Variants in EZH1 observed in about 807,000 individuals in gnomAD.
The protein encoded by EZH1 is enhancer of zeste 1 polycomb repressive complex 2 subunit, also known as histone-lysine N-methyltransferase EZH1.
EZH1 carries 33 observed loss-of-function variants against 100.5 expected under a neutral mutation model. That is an observed-to-expected ratio of 0.33 (90% CI 0.25 to 0.44). The LOEUF is 0.44. EZH1 is among the 20% of genes least tolerant of loss of function. The pLI, the probability that EZH1 is intolerant of heterozygous loss-of-function variation, is 1.00. For synonymous variants in EZH1, 272 were observed against 313.8 expected (o/e 0.87, Z 1.41); for missense variants, 475 against 928.4 (o/e 0.51, Z 6.35).
rs1380880034 is a variant in EZH1 at position 42,720,341 on chromosome 17, T to C, written c.596A>G (p.Asp199Gly). 1 of 1,614,056 alleles carries C rather than the reference T, an allele frequency of 6.2e-7. No homozygotes were observed. Among genetic ancestry groups the C allele is most frequent in the African/African-American group, 1.3e-5 (1 of 74,938 alleles). Residue 199 changes from aspartate to glycine, a missense_variant, in exon 7 of 21, where the codon GAT becomes GGT. By Grantham distance (94) the Asp-to-Gly change is moderately conservative. Coordinates refer to ENST00000428826, the MANE Select transcript of EZH1 (RefSeq NM_001991.5). Reference protein sequence around the residue: ...EEEEGHNDTSDGKQDDSKEDL... With the variant: ...EEEEGHNDTSGGKQDDSKEDL... ...TTCTTTGCTGTCATCCTGCTTTCCA[T>C]CTGAGGTGTCATTGTGCCCTTCCTC...
rs1597823461 is a variant in EZH1 at position 42,706,220 on chromosome 17, A to C, written c.1661-35T>G. 6.4e-7 allele frequency: 1 copy of C among 1,571,092 alleles called. No individual in the cohort carries two copies. The highest frequency in any genetic ancestry group is 8.7e-7 in the Non-Finnish European group (1 of 1,152,080). On this transcript the variant is annotated intron_variant, in intron 15 of 20. Transcript: ENST00000428826. This position sits in a 1 kb window ranked among gnomAD's most constrained non-coding sequence, Gnocchi z 4.4. ...GAAGACAGGTAAGTCTTAGAAGGGAAATAAGCTAATACTGGGGCTTGTGGT... is the reference window on the plus strand; with the variant it reads ...GAAGACAGGTAAGTCTTAGAAGGGACATAAGCTAATACTGGGGCTTGTGGT...
At chr17:42,743,351 AG>A (rs1340653893) in intron 1 of EZH1, among the ~76,000 whole-genome samples, 1 of 147,860 alleles carries the variant, frequency 6.8e-6, no homozygotes, top group Non-Finnish European at 1.5e-5. Flanking sequence ...TTGTATTTTT[AG>A]TAGAGATGGA....
At chr17:42,723,923 T>A (rs1229837712) in intron 5 of EZH1, among the ~76,000 whole-genome samples, 1 of 152,194 alleles carries the variant, frequency 6.6e-6, no homozygotes, top group Non-Finnish European at 1.5e-5. Flanking sequence ...GCATCTTGCA[T>A]TTAGAGAATT....
intron 10 of EZH1, 65 bp downstream of exon 10, chr17:42,717,911 A>G: frequency 7.1e-7 from 1 of 1,414,858 alleles, no homozygotes; most frequent in Admixed American, 1.7e-5. Context: ...AGTGCTGTGT[A>G]CTGGCTCACG....
intron 12 of EZH1, among the ~76,000 whole-genome samples, chr17:42,710,900 G>T (rs1164992768): frequency 6.7e-6 from 1 of 150,256 alleles, no homozygotes; most frequent in African/African-American, 2.5e-5. Context: ...TGGAATTCTA[G>T]GTGTGAGCCA....
intron 11 of EZH1, 42 bp from the exon 12 acceptor site, chr17:42,712,527 G>A (rs1162127653): frequency 1.9e-6 from 3 of 1,571,522 alleles, no homozygotes; most frequent in Non-Finnish European, 2.6e-6. Context: ...AAGGTAGAAT[G>A]CAGTTGTCAT....
chr17:42,716,459 C>G (rs758732058), intron 10 of EZH1, among the ~76,000 whole-genome samples: 4 of 152,078 alleles, frequency 2.6e-5, no homozygotes, highest in Non-Finnish European at 5.9e-5. Flanking sequence ...GGAAAATAGT[C>G]CAGCATTATA....
At chr17:42,708,174 G>A (rs1296425351) in intron 14 of EZH1, 91 bp from the exon 15 acceptor site, 1 of 1,453,888 alleles carries the variant, frequency 6.9e-7, no homozygotes, top group South Asian at 1.3e-5. Flanking sequence ...TTCAGAGGAG[G>A]CTGGTCCTAA....
intron 1 of EZH1, among the ~76,000 whole-genome samples, chr17:42,731,285 A>AT (rs1487723476): frequency 6.6e-6 from 1 of 151,454 alleles, no homozygotes; most frequent in Non-Finnish European, 1.5e-5. Context: ...AGCCGGCCAA[A>AT]TTTTTTTGTA....
intron 1 of EZH1, among the ~76,000 whole-genome samples, chr17:42,740,081 G>A (rs1426737954): frequency 6.6e-6 from 1 of 151,792 alleles, no homozygotes; most frequent in Non-Finnish European, 1.5e-5. Flanking sequence ...TTTGTTTTTT[G>A]AGAAAGGGTC....
chr17:42,733,557 C>T (rs893104529), intron 1 of EZH1, among the ~76,000 whole-genome samples: 3 of 146,598 alleles, frequency 2.0e-5, no homozygotes, highest in Non-Finnish European at 4.5e-5. Context: ...AGGAGACAGC[C>T]GTGAACCCGG....
At chr17:42,729,745 G>A (rs369085698) in intron 2 of EZH1, among the ~76,000 whole-genome samples, 203 of 131,346 alleles carry the variant, frequency 1.5e-3, no homozygotes, top group Non-Finnish European at 1.5e-3. Flanking sequence ...TCTCAAAAAA[G>A]AAAAAAAAAA....
Position 42,720,147 on chromosome 17 carries a change from T to A in EZH1, c.664+126A>T, listed in dbSNP as rs972192330. ...CTGAAGCTATCACTTAATGATCATGTTCTCCTTTTAAGTGAACCAACAAGA... is the reference window on the plus strand; with the variant it reads ...CTGAAGCTATCACTTAATGATCATGATCTCCTTTTAAGTGAACCAACAAGA... On this transcript the variant is annotated intron_variant, in intron 7 of 20. Coordinates refer to ENST00000428826, the MANE Select transcript of EZH1 (RefSeq NM_001991.5). The A allele has an allele frequency of 1.3e-4, 117 of 912,170 alleles. 2 individuals carry two copies. In the East Asian group the frequency reaches 2.9e-3, roughly 23 times the overall value. 56.5% of individuals were successfully genotyped at this position (912,170 alleles called of 1,614,324 possible).
intron 1 of EZH1, among the ~76,000 whole-genome samples, chr17:42,734,050 ATTTT>A (rs111718392): frequency 7.1e-6 from 1 of 140,176 alleles, no homozygotes; most frequent in African/African-American, 2.6e-5. Context: ...ATGCACATGG[ATTTT>A]TTTTTTTTTT....
chr17:42,720,399 C>A lies in EZH1; in HGVS notation c.538G>T (p.Val180Phe). 1 of 1,613,872 alleles carries A rather than the reference C, an allele frequency of 6.2e-7. No individual in the cohort carries two copies. The highest frequency in any genetic ancestry group is 8.5e-7 in the Non-Finnish European group (1 of 1,179,974). Residue 180 changes from valine (V) to phenylalanine (F), a missense_variant, in exon 7 of 21, where the codon GTC becomes TTC. Val to Phe is a conservative substitution (Grantham distance 50, BLOSUM62 -1). Coordinates refer to ENST00000428826, the MANE Select transcript of EZH1 (RefSeq NM_001991.5). ...TCTGAGTACTGATTCAGGGCATCGA[C>A]CAACTCCAGAAAAACAGCATCACTA... ...LISDAVFLEL[V>F]DALNQYSDEE...
intron 13 of EZH1, 99 bp downstream of exon 13, chr17:42,709,747 G>A (rs959639050): frequency 2.1e-5 from 23 of 1,090,388 alleles, no homozygotes; most frequent in Non-Finnish European, 2.8e-5. Flanking sequence ...CAGCCTGTGC[G>A]GTTGCTAAAG....
chr17:42,742,100 T>C (rs147234166), intron 1 of EZH1, among the ~76,000 whole-genome samples: 7 of 151,940 alleles, frequency 4.6e-5, no homozygotes, highest in African/African-American at 1.7e-4. Context: ...GGAGTAAAAT[T>C]TCATTTTTAG....
rs1013373536 is a variant in EZH1, at chr17:42,705,092, C to G, written c.1931G>C (p.Gly644Ala). 1 of 1,613,190 alleles carries G rather than the reference C, an allele frequency of 6.2e-7. No individual in the cohort carries two copies. Residue 644 changes from glycine to alanine, a missense_variant, in exon 17 of 21, where the codon GGT becomes GCT. Coordinates refer to ENST00000428826, the MANE Select transcript of EZH1 (RefSeq NM_001991.5). The part of the protein sequence containing the change: ...QKNEFISEYC[G>A]ELISQDEADR... ...GGCCAAAACTATAGCACTCACCTCACCACAGTATTCAGAAATGAATTCGTT... is the reference window on the plus strand; with the variant it reads ...GGCCAAAACTATAGCACTCACCTCAGCACAGTATTCAGAAATGAATTCGTT...
chr17:42,718,556 T>C lies in EZH1; in HGVS notation c.829A>G (p.Ile277Val), dbSNP rs1401708007. The C allele has an allele frequency of 6.2e-7, 1 of 1,614,092 alleles. No individual in the cohort carries two copies. The highest frequency in any genetic ancestry group is 8.5e-7 in the Non-Finnish European group (1 of 1,180,016). ...ACAGACTTGGCATTGGGGCCATCGATGTTGGGTGTGCACTGAGGGGGAAGT... is the reference window on the plus strand; with the variant it reads ...ACAGACTTGGCATTGGGGCCATCGACGTTGGGTGTGCACTGAGGGGGAAGT... ...NALPPQCTPN[I>V]DGPNAKSVQR... is the part of the protein sequence containing the mutation. The change falls in exon 9 of 21, where the codon ATC becomes GTC. Residue 277 changes from isoleucine to valine, a missense_variant. Physicochemically the swap from Ile to Val is conservative, Grantham distance 29. Around this residue, in one of 8 missense-constraint regions of EZH1, gnomAD observed 180 missense variants for 295.3 expected, o/e 0.61. Coordinates refer to ENST00000428826, the MANE Select transcript of EZH1 (RefSeq NM_001991.5). The surrounding 1 kb of genome is among the most constrained non-coding windows in gnomAD (Gnocchi z 4.2).
Sources: gnomAD v4.1 joint callset for allele counts (sites outside exome capture counted in the v4.1 genomes callset) on GRCh38, gnomAD v4.1.1 for gene constraint, gnomAD v4.1.1 regional missense constraint, Gnocchi (gnomAD v3.1) non-coding constraint, MANE v1.5 for transcripts, NCBI Gene and HGNC (gene_info 2026-07-23, HGNC 2026-07-21) for gene names.